Variants in TMEM222 observed in about 807,000 individuals in gnomAD.
TMEM222 encodes the protein transmembrane protein 222, also known as chromosome 1 open reading frame 160.
Under a neutral mutation model 25.1 loss-of-function variants are expected in TMEM222, and 18 were observed. The observed-to-expected ratio is 0.72, with a 90% CI of 0.50 to 1.06. TMEM222 has a LOEUF of 1.06. Among genes scored for constraint, TMEM222 ranks in the 50% least tolerant of loss-of-function variants. The pLI, the probability that TMEM222 is intolerant of heterozygous loss-of-function variation, is 0.00. For missense variants in TMEM222, 296 were observed against 293.7 expected (o/e 1.01, Z -0.06); for synonymous variants, 131 against 117.9 (o/e 1.11, Z -0.72).
chr1:27,327,191 C>T (rs1196434875), intron 1 of TMEM222, among the ~76,000 whole-genome samples: 3 of 152,002 alleles, frequency 2.0e-5, no homozygotes, highest in Non-Finnish European at 4.4e-5. Flanking sequence ...AGCTGCCAAG[C>T]GGAAGGCAGA....
At chr1:27,333,105 G>A (rs2014519987) in intron 3 of TMEM222, 1 of 338,150 alleles carries the variant, frequency 3.0e-6, no homozygotes, top group African/African-American at 2.1e-5. Flanking sequence ...AGCTGCCTGG[G>A]AGACTAGGGG....
intron 1 of TMEM222, among the ~76,000 whole-genome samples, chr1:27,329,104 TTC>T (rs2014419848): frequency 6.6e-6 from 1 of 152,186 alleles, no homozygotes; most frequent in East Asian, 1.9e-4. Flanking sequence ...TACACCATGC[TTC>T]TGTTCCAATT....
At chr1:27,332,558 T>G (rs1230607335) in intron 3 of TMEM222, 4 of 716,722 alleles carry the variant, frequency 5.6e-6, no homozygotes, top group South Asian at 1.5e-5. Flanking sequence ...CGTTCAACCT[T>G]CTGGGAGCTA....
chr1:27,332,075 C>A lies in TMEM222; in HGVS notation c.285C>A (p.Asp95Glu). The A allele has an allele frequency of 6.2e-7, 1 of 1,614,252 alleles. No individual in the cohort carries two copies. Among genetic ancestry groups the A allele is most frequent in the South Asian group, 1.1e-5 (1 of 91,092 alleles). ...DFAGPYFVSE[D>E]NMAFGKPAKY... ...CTGCTTTTGTCCCTCAACAGGAGGA[C>A]AACATGGCCTTTGGAAAGCCTGCCA... Residue 95 changes from aspartate (D) to glutamate (E), a missense_variant, in exon 3 of 6, where the codon GAC becomes GAA. Physicochemically the swap from Asp to Glu is conservative, Grantham distance 45 (BLOSUM62 2). Transcript: ENST00000374076.
intron 1 of TMEM222, chr1:27,325,108 C>T (rs1416803340): frequency 3.1e-6 from 1 of 325,898 alleles, no homozygotes; most frequent in East Asian, 7.8e-5. Flanking sequence ...ATAGATGTGG[C>T]GCAAGTAACT....
Position 27,335,383 on chromosome 1 carries a change from G to A in TMEM222, c.544G>A (p.Gly182Arg). The change falls in exon 6 of 6, where the codon GGG becomes AGG. Residue 182 changes from glycine to arginine, a missense_variant. Transcript: ENST00000374076. The stretch of plus-strand genomic sequence containing the variant: ...TCGCTCCTTTCTCTCTGTCAGCGTT[G>A]GGGCCTTCGTGAAGACCTGGCTGCC... ...CLLYGKYVSV[G>R]AFVKTWLPFI... 6.2e-7 allele frequency: 1 copy of A among 1,614,184 alleles called. No individual in the cohort carries two copies. Among genetic ancestry groups the A allele is most frequent in the South Asian group, 1.1e-5 (1 of 91,082 alleles).
At position 27,334,179 on chromosome 1, in the gene TMEM222, C is replaced by T. The variant is rs774330780; in HGVS notation, c.437C>T (p.Ser146Leu). The T allele has an allele frequency of 5.0e-6, 8 of 1,614,180 alleles. No homozygotes were observed. The highest frequency in any genetic ancestry group is 2.2e-5 in the East Asian group (1 of 44,888). Residue 146 changes from serine (S) to leucine (L), a missense_variant, in exon 5 of 6, where the codon TCG becomes TTG. Physicochemically the swap from Ser to Leu is moderately radical, Grantham distance 145. Transcript: ENST00000374076. ...MHNLCCDNCH[S>L]HVALALNLMR... ...AATCTCTGCTGTGACAACTGCCACT[C>T]GCACGTGGCATTGGCCCTGAATCTG... is the stretch of plus-strand genomic sequence containing the variant.
chr1:27,331,978 T>A, intron 2 of TMEM222, 92 bp from the exon 3 acceptor site: 4 of 1,016,280 alleles, frequency 3.9e-6, no homozygotes, highest in East Asian at 2.6e-5. Context: ...ACATACCCTC[T>A]TCTAAGTCAC....
intron 3 of TMEM222, chr1:27,332,891 C>T (rs1051591798): frequency 1.7e-5 from 5 of 295,384 alleles, no homozygotes; most frequent in Non-Finnish European, 3.3e-5. Context: ...AGCAGTAGCC[C>T]CTAAGCGGCC....
chr1:27,326,316 TG>T (rs1449739184), intron 1 of TMEM222, among the ~76,000 whole-genome samples: 3 of 152,230 alleles, frequency 2.0e-5, no homozygotes, highest in South Asian at 2.1e-4. Flanking sequence ...CAGAACACTG[TG>T]GGCTGTGACT....
At chr1:27,335,269 TTTC>T in intron 5 of TMEM222, 107 bp from the exon 6 acceptor site, 4 of 1,072,848 alleles carry the variant, frequency 3.7e-6, no homozygotes, top group Non-Finnish European at 5.7e-6. Flanking sequence ...GTGGTTGGGT[TTTC>T]CTTAGGGATG....
At chr1:27,331,510 C>T (rs1401891790) in intron 2 of TMEM222, among the ~76,000 whole-genome samples, 1 of 152,230 alleles carries the variant, frequency 6.6e-6, no homozygotes, top group Non-Finnish European at 1.5e-5. Context: ...GATCTGAACC[C>T]AGAGTCTGTC....
chr1:27,332,158 G>A (rs1315997484), intron 3 of TMEM222, 57 bp downstream of exon 3: 24 of 1,605,284 alleles, frequency 1.5e-5, no homozygotes, highest in Admixed American at 3.3e-5. Context: ...CTGCCGGGGC[G>A]GGCCAGGCCT....
Position 27,322,184 on chromosome 1 carries a change from G to A in TMEM222, c.-14G>A. The A allele has an allele frequency of 7.3e-7, 1 of 1,378,388 alleles. No individual in the cohort carries two copies. The highest frequency in any genetic ancestry group is 9.5e-7 in the Non-Finnish European group (1 of 1,054,822). The allele number at this position is 1,378,388 out of a possible 1,614,324, so 85.4% of individuals were successfully genotyped here. A position where few individuals can be genotyped will look rare whatever the true frequency, so the allele number is the denominator to read the frequency against. On this transcript the variant is annotated 5_prime_UTR_variant, in exon 1 of 6. Coordinates refer to ENST00000374076, the MANE Select transcript of TMEM222 (RefSeq NM_032125.3). ...CACCAGAGCCGGGGCCAGTCGGAGC[G>A]GGGCGCGCGCCGCATGGCGGAAGCG...
chr1:27,335,130 A>G (rs576323925), intron 5 of TMEM222: 3 of 563,704 alleles, frequency 5.3e-6, no homozygotes, highest in Admixed American at 3.0e-5. Flanking sequence ...CCTGTTCCCA[A>G]CCAGCGAGGT....
chr1:27,332,386 G>C, intron 3 of TMEM222: 1 of 717,830 alleles, frequency 1.4e-6, no homozygotes, highest in Non-Finnish European at 2.6e-6. Flanking sequence ...GAAGGGACTT[G>C]GTCAAGGTCA....
intron 1 of TMEM222, among the ~76,000 whole-genome samples, chr1:27,323,747 T>C (rs2014269793): frequency 6.6e-6 from 1 of 152,240 alleles, no homozygotes; most frequent in Non-Finnish European, 1.5e-5. Context: ...CACTTCAGCA[T>C]GGGCAACACA....
intron 2 of TMEM222, chr1:27,331,182 T>A: frequency 9.0e-7 from 1 of 1,106,226 alleles, no homozygotes. Context: ...TTCGGTTCCC[T>A]GGGTGTGGCC....
Position 27,330,707 on chromosome 1 carries a change from C to T in TMEM222, c.195-13C>T, listed in dbSNP as rs764540032. On this transcript the variant is annotated splice_polypyrimidine_tract_variant and intron_variant, in intron 1 of 5. Transcript: ENST00000374076. ...CCCTAAGCTCTGTCCCTTCCCCGTC[C>T]TTTTCCTCACAGGTGGTTTTTCCCC... is the stretch of plus-strand genomic sequence containing the variant. 6.2e-7 allele frequency: 1 copy of T among 1,613,660 alleles called. No individual in the cohort carries two copies. The highest frequency in any genetic ancestry group is 8.5e-7 in the Non-Finnish European group (1 of 1,179,536).
Sources: gnomAD v4.1 joint callset for allele counts (sites outside exome capture counted in the v4.1 genomes callset) on GRCh38, gnomAD v4.1.1 for gene constraint, MANE v1.5 for transcripts, NCBI Gene and HGNC (gene_info 2026-07-23, HGNC 2026-07-21) for gene names.